The following SYT7 variants were observed in gnomAD, a reference collection of about 807,000 sequenced individuals.
SYT7 encodes synaptotagmin 7.
Under a neutral mutation model 75.1 loss-of-function variants are expected in SYT7, and 29 were observed. That is an observed-to-expected ratio of 0.39 (90% confidence interval 0.29 to 0.53). The LOEUF is 0.53. SYT7 is among the 20% of genes least tolerant of loss of function. The pLI is 0.77. For missense variants in SYT7, 693 were observed against 953.2 expected, an observed-to-expected ratio of 0.73 and a Z score of 3.59; for synonymous variants, 376 against 401.7, an observed-to-expected ratio of 0.94 and a Z score of 0.76.
At chr11:61,558,356 T>C (rs1200023070) in intron 1 of SYT7, among the ~76,000 whole-genome samples, 1 of 151,736 alleles carries the variant, frequency 6.6e-6, no homozygotes, top group Non-Finnish European at 1.5e-5. Flanking sequence ...GGCTGAGGCA[T>C]GAGAATTGCT....
At chr11:61,567,916 G>A (rs549830559) in intron 1 of SYT7, among the ~76,000 whole-genome samples, 52 of 152,370 alleles carry the variant, frequency 3.4e-4, no homozygotes, top group Admixed American at 1.9e-3. Flanking sequence ...GGGGCTGCCT[G>A]GGTCACAGTG....
At chr11:61,550,028 C>T (rs1029542895) in intron 3 of SYT7, among the ~76,000 whole-genome samples, 4 of 152,220 alleles carry the variant, frequency 2.6e-5, no homozygotes, top group African/African-American at 9.7e-5. Flanking sequence ...TGGCCACGCT[C>T]CCCCACGTGC....
chr11:61,533,216 C>T (rs1249083604), intron 7 of SYT7, 92 bp from the exon 8 acceptor site: 2 of 1,484,494 alleles, frequency 1.3e-6, no homozygotes, highest in Non-Finnish European at 1.8e-6. Context: ...TCTCTGAAGA[C>T]CCCAGCAGCT....
chr11:61,548,822 T>A (rs935723174), intron 3 of SYT7, among the ~76,000 whole-genome samples: 3 of 152,212 alleles, frequency 2.0e-5, no homozygotes, highest in Non-Finnish European at 4.4e-5. Flanking sequence ...TAGGCCCAGA[T>A]GAGATGGTGG....
Position 61,524,581 on chromosome 11 carries a change from C to T in SYT7, c.1472-49G>A, listed in dbSNP as rs368951190. On this transcript the variant is annotated intron_variant, in intron 9 of 12. Transcript: ENST00000539008. The surrounding 1 kb of genome is among the most constrained non-coding windows in gnomAD (Gnocchi z 4.1). ...TGAAGAGGGGGACAGAGGGGCTGCA[C>T]GGGGCCCGGGAGGCAAGGAAGGCCC... The T allele has an allele frequency of 2.6e-4, 395 of 1,516,104 alleles. 1 individual carries two copies. Among genetic ancestry groups the T allele is most frequent in the Non-Finnish European group, 3.4e-4 (379 of 1,128,750 alleles). The allele number at this position is 1,516,104 out of a possible 1,614,324, so 93.9% of individuals were successfully genotyped here. A position where few individuals can be genotyped will look rare whatever the true frequency, so the allele number is the denominator to read the frequency against.
Position 61,546,780 on chromosome 11 carries a change from G to T in SYT7, c.347+397C>A, listed in dbSNP as rs938213519. The stretch of plus-strand genomic sequence containing the variant: ...CACGAACCACCGACCACCGACCACC[G>T]ACCACCGAGCAGCCACGGCAGCACA... On this transcript the variant is annotated intron_variant, in intron 4 of 12. Transcript: ENST00000539008. The surrounding 1 kb of genome is among the most constrained non-coding windows in gnomAD (Gnocchi z 7.6). 2.6e-6 allele frequency: 1 copy of T among 388,958 alleles called. No individual in the cohort carries two copies. The allele number at this position is 388,958 out of a possible 1,614,324, so 24.1% of individuals were successfully genotyped here.
rs1294012343 is a variant in SYT7, at chr11:61,551,331, C to T, written c.215+53G>A. The T allele has an allele frequency of 6.4e-6, 10 of 1,567,636 alleles. No homozygotes were observed. The highest frequency in any genetic ancestry group is 3.3e-5 in the Admixed American group (2 of 59,782). On this transcript the variant is annotated intron_variant, in intron 3 of 12. Transcript: ENST00000539008. The surrounding 1 kb of genome is among the most constrained non-coding windows in gnomAD (Gnocchi z 5.3). ...GGGCTGGGGGAGAGAAGGGGCTCCT[C>T]CCACCTGGGCTGCTTGTGTGGCCCC...
Position 61,523,340 on chromosome 11 carries a change from C to T in SYT7, c.1757-66G>A. On this transcript the variant is annotated intron_variant, in intron 11 of 12. Transcript: ENST00000539008. This position sits in a 1 kb window ranked among gnomAD's most constrained non-coding sequence, Gnocchi z 5.0. ...GAGGGACTTCCTAGGATCCTTTTCC[C>T]CTTCCAGGAATGGAAGCTGAGGCAG... The T allele has an allele frequency of 6.6e-7, 1 of 1,510,012 alleles. No homozygotes were observed. The highest frequency in any genetic ancestry group is 9.2e-7 in the Non-Finnish European group (1 of 1,088,724). The allele number at this position is 1,510,012 out of a possible 1,614,324, so 93.5% of individuals were successfully genotyped here.
Position 61,556,046 on chromosome 11 carries a change from A to T in SYT7, c.135+58T>A, listed in dbSNP as rs1383750200. On this transcript the variant is annotated intron_variant, in intron 2 of 12. Transcript: ENST00000539008. Reference sequence around the variant, plus strand: ...CCTGTAATTGTGTGTGTGTGTGGGGAGGGGGGGCAGTGTGCAGGGCTAGGC... The same window carrying T: ...CCTGTAATTGTGTGTGTGTGTGGGGTGGGGGGGCAGTGTGCAGGGCTAGGC... 3.5e-6 allele frequency: 5 copies of T among 1,415,990 alleles called. No homozygotes were observed. The Admixed American group carries it at 5.6e-5, about 16-fold the overall frequency. 87.7% of individuals were successfully genotyped at this position (1,415,990 alleles called of 1,614,324 possible). A position where few individuals can be genotyped will look rare whatever the true frequency, so the allele number is the denominator to read the frequency against.
At chr11:61,541,362 T>A in intron 6 of SYT7, 1 of 917,666 alleles carries the variant, frequency 1.1e-6, no homozygotes, top group Non-Finnish European at 1.3e-6. Flanking sequence ...CCCAGACCTG[T>A]CTTAGGCTCT....
At chr11:61,563,896 C>A (rs550352726) in intron 1 of SYT7, among the ~76,000 whole-genome samples, 2 of 152,208 alleles carry the variant, frequency 1.3e-5, no homozygotes, top group African/African-American at 4.8e-5. Context: ...GCTTTGAAGA[C>A]CAAAGTCTGG....
chr11:61,552,448 G>A (rs182605953), intron 2 of SYT7, among the ~76,000 whole-genome samples: 25 of 148,464 alleles, frequency 1.7e-4, no homozygotes, highest in African/African-American at 5.5e-4. Flanking sequence ...GCCCCTCCCC[G>A]GCTGCACACA....
At chr11:61,535,167 T>TGTGAGGAGCAGATGGGAGAAAGGAGAC (rs1455721755) in intron 7 of SYT7, among the ~76,000 whole-genome samples, 4 of 151,934 alleles carry the variant, frequency 2.6e-5, no homozygotes, top group African/African-American at 7.3e-5. Context: ...AGGGCAGCCC[T>TGTGAGGAGCAGATGGGAGAAAGGAGAC]GTGAGGAGCA....
chr11:61,528,262 G>A lies in SYT7; in HGVS notation c.1201-77C>T. ...ATGTCCCCACCGCTGGCTAGCACGG[G>A]TGAGAGGCCAGAGGCGGTGGCCCAG... On this transcript the variant is annotated intron_variant, in intron 8 of 12. Coordinates refer to ENST00000539008, the MANE Select transcript of SYT7 (RefSeq NM_001365809.2). 2.6e-6 allele frequency: 4 copies of A among 1,544,016 alleles called. No homozygotes were observed. The South Asian group carries it at 3.6e-5, about 14-fold the overall frequency.
At chr11:61,586,514 C>T in the SYT7 span, among the ~76,000 whole-genome samples, 1 of 152,312 alleles carries the variant, frequency 6.6e-6, no homozygotes, top group African/African-American at 2.4e-5. Context: ...CCAGTCTGTA[C>T]CATAGGATGT....
rs1361842043 is a variant in SYT7, at chr11:61,523,375, G to T, written c.1757-101C>A. ...ATGGAAGCTGAGGCAGGAGGGCCGT[G>T]TGCTTTCCCCAGAGGCAAGGAAAGA... On this transcript the variant is annotated intron_variant, in intron 11 of 12. Coordinates refer to ENST00000539008, the MANE Select transcript of SYT7 (RefSeq NM_001365809.2). This position sits in a 1 kb window ranked among gnomAD's most constrained non-coding sequence, Gnocchi z 5.0. The T allele has an allele frequency of 9.2e-6, 11 of 1,190,998 alleles. No individual in the cohort carries two copies. The highest frequency in any genetic ancestry group is 7.5e-5 in the African/African-American group (5 of 66,560). The allele number at this position is 1,190,998 out of a possible 1,614,324, so 73.8% of individuals were successfully genotyped here.
At chr11:61,539,873 T>A (rs1182542423) in intron 6 of SYT7, 1 of 152,186 alleles carries the variant, frequency 6.6e-6, no homozygotes, top group Non-Finnish European at 1.5e-5. Flanking sequence ...ACCCTTGTGC[T>A]GGGATCTAAC....
At chr11:61,562,659 C>T (rs1339002686) in intron 1 of SYT7, among the ~76,000 whole-genome samples, 1 of 152,074 alleles carries the variant, frequency 6.6e-6, no homozygotes, top group Non-Finnish European at 1.5e-5. Flanking sequence ...TTTGTGCACC[C>T]CTGAACCCTC....
intron 1 of SYT7, among the ~76,000 whole-genome samples, chr11:61,571,796 T>C (rs1054509347): frequency 6.6e-6 from 1 of 152,112 alleles, no homozygotes; most frequent in African/African-American, 2.4e-5. Flanking sequence ...AGCCCTCCCT[T>C]AGGTCTGAGT....
Sources: gnomAD v4.1 joint callset for allele counts (sites outside exome capture counted in the v4.1 genomes callset) on GRCh38, gnomAD v4.1.1 for gene constraint, Gnocchi (gnomAD v3.1) non-coding constraint, MANE v1.5 for transcripts, NCBI Gene and HGNC (gene_info 2026-07-23, HGNC 2026-07-21) for gene names.